The following MYO1D variants were observed in gnomAD, a reference collection of about 807,000 sequenced individuals.
MYO1D encodes myosin ID.
Under a neutral mutation model 122.0 loss-of-function variants are expected in MYO1D, and 83 were observed. The observed-to-expected ratio is 0.68, with a 90% CI of 0.57 to 0.82. The LOEUF is 0.82. Ranked by LOEUF, MYO1D falls within the 40% of genes least tolerant of loss-of-function variation. The pLI is 0.00. For missense variants in MYO1D, 1,157 were observed against 1,269.5 expected, an observed-to-expected ratio of 0.91 and a Z score of 1.35; for synonymous variants, 464 against 446.9, an observed-to-expected ratio of 1.04 and a Z score of -0.48.
At chr17:32,735,777 GA>G (rs2151001174) in intron 14 of MYO1D, among the ~76,000 whole-genome samples, 1 of 151,966 alleles carries the variant, frequency 6.6e-6, no homozygotes, top group Non-Finnish European at 1.5e-5. Context: ...GCTTGTCTTG[GA>G]TAATTTTGAT....
intron 1 of MYO1D, among the ~76,000 whole-genome samples, chr17:32,815,571 C>T (rs1348659442): frequency 6.6e-6 from 1 of 152,210 alleles, no homozygotes. Context: ...TCAGGCAGCC[C>T]TCTTCCCTCT....
At chr17:32,618,246 T>C (rs2087802499) in intron 20 of MYO1D, among the ~76,000 whole-genome samples, 1 of 152,218 alleles carries the variant, frequency 6.6e-6, no homozygotes, top group Non-Finnish European at 1.5e-5. Context: ...AGCCTAGTAC[T>C]ATTGATCAAC....
chr17:32,570,879 T>G (rs2087219585), intron 21 of MYO1D, among the ~76,000 whole-genome samples: 2 of 152,148 alleles, frequency 1.3e-5, no homozygotes, highest in African/African-American at 2.4e-5. Flanking sequence ...AGGTGTCTAT[T>G]AATACTATAG....
chr17:32,866,896 G>A (rs970493495), intron 1 of MYO1D, among the ~76,000 whole-genome samples: 2 of 152,156 alleles, frequency 1.3e-5, no homozygotes, highest in African/African-American at 4.8e-5. Flanking sequence ...AGGGTCTGCT[G>A]ACATTCTACC....
At chr17:32,827,214 G>T (rs2090730274) in intron 1 of MYO1D, among the ~76,000 whole-genome samples, 1 of 152,128 alleles carries the variant, frequency 6.6e-6, no homozygotes, top group African/African-American at 2.4e-5. Context: ...GGATTAACAA[G>T]GAAAGACATT....
intron 13 of MYO1D, among the ~76,000 whole-genome samples, chr17:32,740,965 AT>A (rs1358482094): frequency 1.3e-5 from 2 of 152,100 alleles, no homozygotes; most frequent in East Asian, 3.9e-4. Flanking sequence ...TCCTCCCTTC[AT>A]TTACACAGAC....
intron 19 of MYO1D, among the ~76,000 whole-genome samples, chr17:32,639,867 C>A (rs748989997): frequency 3.9e-5 from 6 of 152,170 alleles, no homozygotes; most frequent in Non-Finnish European, 7.3e-5. Flanking sequence ...TATCCTCCAT[C>A]CCCTCCTTCA....
intron 14 of MYO1D, 116 bp from the exon 15 acceptor site, chr17:32,721,305 C>T: frequency 1.1e-6 from 1 of 896,234 alleles, no homozygotes; most frequent in Non-Finnish European, 1.7e-6. Flanking sequence ...TCTAATTTCT[C>T]AGGCATACAC....
chr17:32,794,726 C>T (rs774918212), intron 1 of MYO1D, among the ~76,000 whole-genome samples: 1 of 152,142 alleles, frequency 6.6e-6, no homozygotes, highest in Non-Finnish European at 1.5e-5. Context: ...GACTATACCA[C>T]AGCAGAGAGA....
chr17:32,552,522 CCTT>C (rs1476633918), intron 21 of MYO1D, among the ~76,000 whole-genome samples: 3 of 151,752 alleles, frequency 2.0e-5, no homozygotes, highest in African/African-American at 4.9e-5. Flanking sequence ...GTTCACCTCC[CCTT>C]TTTTGCCCTC....
intron 21 of MYO1D, among the ~76,000 whole-genome samples, chr17:32,548,716 CTT>C (rs200304112): frequency 1.5e-3 from 198 of 134,670 alleles, no homozygotes; most frequent in Non-Finnish European, 1.7e-3. Context: ...ATTTTTTGGT[CTT>C]TTTTTTTTTT....
chr17:32,806,121 T>C (rs990794493), intron 1 of MYO1D, among the ~76,000 whole-genome samples: 10 of 151,914 alleles, frequency 6.6e-5, no homozygotes, highest in African/African-American at 2.4e-4. Flanking sequence ...TAGCCAGAAG[T>C]GGTGGCACAC....
intron 19 of MYO1D, among the ~76,000 whole-genome samples, chr17:32,643,577 T>TATTA (rs2088237834): frequency 6.6e-6 from 1 of 151,210 alleles, no homozygotes; most frequent in Admixed American, 6.6e-5. Flanking sequence ...GTTGGTAAGC[T>TATTA]ATTATTGCCT....
intron 13 of MYO1D, among the ~76,000 whole-genome samples, chr17:32,743,159 T>C (rs1229543164): frequency 1.3e-5 from 2 of 152,228 alleles, no homozygotes; most frequent in Admixed American, 6.5e-5. Flanking sequence ...TGTCTCTACA[T>C]GTTACAGTGT....
chr17:32,542,515 T>C (rs1262963078), intron 21 of MYO1D, among the ~76,000 whole-genome samples: 2 of 151,462 alleles, frequency 1.3e-5, no homozygotes, highest in Non-Finnish European at 2.9e-5. Flanking sequence ...CAAACATGTG[T>C]ATTAATGAGA....
chr17:32,585,250 C>A (rs540270426), intron 21 of MYO1D, among the ~76,000 whole-genome samples: 1 of 151,682 alleles, frequency 6.6e-6, no homozygotes, highest in Non-Finnish European at 1.5e-5. Context: ...TCTTCTTATA[C>A]CCTCAGATTC....
chr17:32,687,195 A>ATT (rs371967017), intron 16 of MYO1D, among the ~76,000 whole-genome samples: 3 of 131,926 alleles, frequency 2.3e-5, no homozygotes, highest in Non-Finnish European at 1.6e-5. Flanking sequence ...TGCCTGGCTA[A>ATT]TTTTTTTTTT....
At chr17:32,609,315 C>T (rs541892686) in intron 20 of MYO1D, among the ~76,000 whole-genome samples, 3 of 152,290 alleles carry the variant, frequency 2.0e-5, no homozygotes, top group East Asian at 1.9e-4. Flanking sequence ...ATCAGCCAGG[C>T]GGGCAGGCAG....
intron 19 of MYO1D, among the ~76,000 whole-genome samples, chr17:32,640,158 G>A (rs1209789480): frequency 6.6e-6 from 1 of 151,956 alleles, no homozygotes; most frequent in African/African-American, 2.4e-5. Context: ...GACAAAAATG[G>A]TGTCTGTAAT....
Sources: allele counts gnomAD v4.1 joint callset (sites outside exome capture counted in the v4.1 genomes callset), GRCh38; gene constraint gnomAD v4.1.1; transcripts MANE v1.5; gene names NCBI Gene and HGNC (gene_info 2026-07-23, HGNC 2026-07-21).